Variants in CSMD2 observed in about 807,000 individuals in gnomAD.
The protein encoded by CSMD2 is CUB and sushi domain-containing protein 2.
In CSMD2, 130 loss-of-function variants were observed where a neutral mutation model predicts 398.5. The observed-to-expected ratio is 0.33, with a 90% confidence interval of 0.28 to 0.38. CSMD2 has a LOEUF of 0.38. Ranked by LOEUF, CSMD2 falls within the 10% of genes least tolerant of loss-of-function variation. The pLI, the probability that CSMD2 is intolerant of heterozygous loss-of-function variation, is 1.00. For synonymous variants in CSMD2, 1,828 were observed against 1,908.5 expected, an observed-to-expected ratio of 0.96 and a Z score of 1.10; for missense variants, 3,829 against 4,764.9, an observed-to-expected ratio of 0.80 and a Z score of 5.78.
At chr1:33,970,995 T>C (rs528792114) in intron 3 of CSMD2, among the ~76,000 whole-genome samples, 1 of 152,318 alleles carries the variant, frequency 6.6e-6, no homozygotes, top group Non-Finnish European at 1.5e-5. Context: ...ATTGGGGTAA[T>C]GCATATAAAC....
chr1:34,013,489 G>A (rs1647656925), intron 3 of CSMD2, among the ~76,000 whole-genome samples: 1 of 152,148 alleles, frequency 6.6e-6, no homozygotes, highest in Non-Finnish European at 1.5e-5. Flanking sequence ...GCTGGGAGCT[G>A]GGCACCTGCT....
At chr1:33,540,471 A>G in intron 60 of CSMD2, 54 bp downstream of exon 60, 2 of 1,588,502 alleles carry the variant, frequency 1.3e-6, no homozygotes, top group South Asian at 2.3e-5. Flanking sequence ...CCGAGGAGGC[A>G]AGGGGAAGGA....
intron 48 of CSMD2, among the ~76,000 whole-genome samples, chr1:33,579,478 G>C (rs1424227034): frequency 6.6e-6 from 1 of 151,998 alleles, no homozygotes; most frequent in Non-Finnish European, 1.5e-5. Context: ...AGACAGTCAA[G>C]ACCCACCTTC....
chr1:33,555,757 G>T (rs1171720941), intron 55 of CSMD2, among the ~76,000 whole-genome samples: 2 of 152,246 alleles, frequency 1.3e-5, no homozygotes, highest in African/African-American at 4.8e-5. Flanking sequence ...TTTAATTAAG[G>T]TGTGCATATT....
At chr1:33,668,938 G>T (rs1322308782) in intron 25 of CSMD2, among the ~76,000 whole-genome samples, 1 of 152,198 alleles carries the variant, frequency 6.6e-6, no homozygotes, top group African/African-American at 2.4e-5. Flanking sequence ...TGCAATAGGT[G>T]CTAAAGAGTG....
chr1:33,811,286 A>G (rs1199147398), intron 9 of CSMD2, among the ~76,000 whole-genome samples: 1 of 151,930 alleles, frequency 6.6e-6, no homozygotes, highest in African/African-American at 2.4e-5. Flanking sequence ...CCCAATTTGC[A>G]CTCCAATTCT....
intron 3 of CSMD2, among the ~76,000 whole-genome samples, chr1:33,940,622 G>C (rs1644637171): frequency 6.6e-6 from 1 of 152,076 alleles, no homozygotes; most frequent in African/African-American, 2.4e-5. Flanking sequence ...CTAGAAAATG[G>C]CAGAGCTAGG....
At chr1:33,915,899 T>G (rs1310321344) in intron 5 of CSMD2, among the ~76,000 whole-genome samples, 1 of 152,222 alleles carries the variant, frequency 6.6e-6, no homozygotes, top group Non-Finnish European at 1.5e-5. Context: ...AACCTGGGGT[T>G]GAATCCCAGC....
intron 25 of CSMD2, among the ~76,000 whole-genome samples, chr1:33,671,764 G>A (rs1644507831): frequency 6.6e-6 from 1 of 152,172 alleles, no homozygotes; most frequent in Non-Finnish European, 1.5e-5. Flanking sequence ...CTAAATCTAA[G>A]AAGCTGGGAG....
intron 10 of CSMD2, among the ~76,000 whole-genome samples, chr1:33,806,619 T>G (rs953228377): frequency 6.6e-6 from 1 of 152,062 alleles, no homozygotes; most frequent in African/African-American, 2.4e-5. Flanking sequence ...ACACAAAATA[T>G]AAAATAAGTA....
intron 6 of CSMD2, among the ~76,000 whole-genome samples, chr1:33,831,932 T>C (rs1659619691): frequency 6.6e-6 from 1 of 151,752 alleles, no homozygotes; most frequent in Non-Finnish European, 1.5e-5. Flanking sequence ...TACATAATGG[T>C]AAAGGGATCA....
intron 1 of CSMD2, among the ~76,000 whole-genome samples, chr1:34,096,218 T>A (rs1403307571): frequency 6.6e-6 from 1 of 151,992 alleles, no homozygotes; most frequent in Non-Finnish European, 1.5e-5. Context: ...CAACCCTTCA[T>A]GCTAAAAACT....
chr1:33,791,340 T>C (rs1205972110), intron 11 of CSMD2, among the ~76,000 whole-genome samples: 2 of 152,196 alleles, frequency 1.3e-5, no homozygotes, highest in Non-Finnish European at 2.9e-5. Context: ...AGATAATTGA[T>C]GCAAAAGTTT....
chr1:33,933,880 G>A (rs1471052671), intron 4 of CSMD2, among the ~76,000 whole-genome samples: 1 of 152,082 alleles, frequency 6.6e-6, no homozygotes, highest in Non-Finnish European at 1.5e-5. Flanking sequence ...TATTGGTTGA[G>A]GAGAGGTAAA....
chr1:33,564,037 A>C (rs913585180), intron 53 of CSMD2, among the ~76,000 whole-genome samples: 1 of 151,544 alleles, frequency 6.6e-6, no homozygotes, highest in Non-Finnish European at 1.5e-5. Context: ...TGGATTCTGT[A>C]ATGTGATGGT....
At position 33,658,234 on chromosome 1, in the gene CSMD2, G is replaced by A. The variant is rs1644014877; in HGVS notation, c.4256-97C>T. 5.8e-6 allele frequency: 6 copies of A among 1,035,642 alleles called. No homozygotes were observed. The South Asian group carries it at 5.9e-5, about 10-fold the overall frequency. 64.2% of individuals were successfully genotyped at this position (1,035,642 alleles called of 1,614,324 possible). A position where few individuals can be genotyped will look rare whatever the true frequency, so the allele number is the denominator to read the frequency against. ...ACCCTCACTGATTGCCATCATCCGTGCATTGCCACAACCACCAGAACCTCC... is the reference window on the plus strand; with the variant it reads ...ACCCTCACTGATTGCCATCATCCGTACATTGCCACAACCACCAGAACCTCC... On this transcript the variant is annotated intron_variant, in intron 26 of 70. Transcript: ENST00000373381.
At chr1:33,935,575 C>G (rs1308474373) in intron 4 of CSMD2, among the ~76,000 whole-genome samples, 185 bp downstream of exon 4, 1 of 152,130 alleles carries the variant, frequency 6.6e-6, no homozygotes, top group Non-Finnish European at 1.5e-5. Flanking sequence ...GTTAGGAGGT[C>G]AGGTGAGGTT....
intron 10 of CSMD2, among the ~76,000 whole-genome samples, chr1:33,807,385 C>T (rs945531560): frequency 2.6e-5 from 4 of 152,038 alleles, no homozygotes; most frequent in Non-Finnish European, 4.4e-5. Context: ...CATGTACCCC[C>T]GAATCTAAAA....
intron 2 of CSMD2, among the ~76,000 whole-genome samples, chr1:34,049,138 G>A (rs1229404900): frequency 6.6e-6 from 1 of 152,174 alleles, no homozygotes; most frequent in Non-Finnish European, 1.5e-5. Context: ...CAAGTCACAC[G>A]TTGTGAACAG....
Sources: gnomAD v4.1 joint callset for allele counts (sites outside exome capture counted in the v4.1 genomes callset) on GRCh38, gnomAD v4.1.1 for gene constraint, MANE v1.5 for transcripts, NCBI Gene and HGNC (gene_info 2026-07-23, HGNC 2026-07-21) for gene names.